Variants in LIX1 observed in about 807,000 individuals in gnomAD.
LIX1 encodes the protein protein limb expression 1 homolog.
Under a neutral mutation model 33.4 loss-of-function variants are expected in LIX1, and 24 were observed. The ratio of observed to expected loss-of-function variants is 0.72; its 90% CI spans 0.52 to 1.01. The LOEUF (loss-of-function observed/expected upper bound fraction) is 1.01. Among genes scored for constraint, LIX1 ranks in the 50% least tolerant of loss-of-function variants. LIX1 has a pLI of 0.00. For synonymous variants in LIX1, 124 were observed against 124.0 expected (o/e 1.00, Z 0.00); for missense variants, 311 against 339.2 (o/e 0.92, Z 0.65).
At chr5:97,108,329 G>A (rs748993897) in intron 2 of LIX1, among the ~76,000 whole-genome samples, 2 of 152,130 alleles carry the variant, frequency 1.3e-5, no homozygotes, top group Non-Finnish European at 1.5e-5. Context: ...TAGGGCCATA[G>A]GCAGCCTATG....
chr5:97,094,935 A>G lies in LIX1; in HGVS notation c.662T>C (p.Val221Ala), dbSNP rs200573820. 3 of 1,614,130 alleles carry G rather than the reference A, an allele frequency of 1.9e-6. No individual in the cohort carries two copies. The East Asian group carries it at 6.7e-5, about 36-fold the overall frequency. The change falls in exon 6 of 6, where the codon GTC becomes GCC. Residue 221 changes from valine (V) to alanine (A), a missense_variant. Coordinates refer to ENST00000274382, the MANE Select transcript of LIX1 (RefSeq NM_153234.5). ...CAGGGCCATTCGTAGCTCTTGAGAGACAATTCCTGGTGAGTCCCGCTCCTT... is the reference window on the plus strand; with the variant it reads ...CAGGGCCATTCGTAGCTCTTGAGAGGCAATTCCTGGTGAGTCCCGCTCCTT... ...IMKERDSPGI[V>A]SQELRMALRQ... is the part of the protein sequence containing the mutation.
chr5:97,119,220 T>C (rs183408151), intron 2 of LIX1, among the ~76,000 whole-genome samples: 1 of 152,306 alleles, frequency 6.6e-6, no homozygotes, highest in Admixed American at 6.5e-5. Context: ...ACTGCTGGCA[T>C]AATGGTTTCT....
At chr5:97,117,096 G>A (rs1291198385) in intron 2 of LIX1, among the ~76,000 whole-genome samples, 2 of 152,152 alleles carry the variant, frequency 1.3e-5, no homozygotes. Flanking sequence ...CCAATTTCAT[G>A]GGCAAGTCAT....
At chr5:97,099,463 G>A (rs1410438953) in intron 4 of LIX1, among the ~76,000 whole-genome samples, 1 of 152,146 alleles carries the variant, frequency 6.6e-6, no homozygotes, top group African/African-American at 2.4e-5. Context: ...TTGTAAATAA[G>A]AAAAATTTTT....
At chr5:97,095,548 T>TATTAGC (rs1361001457) in intron 5 of LIX1, among the ~76,000 whole-genome samples, 19 of 152,298 alleles carry the variant, frequency 1.2e-4, no homozygotes, top group Admixed American at 1.1e-3. Flanking sequence ...TCAACTGTGG[T>TATTAGC]ATTAGCACAA....
intron 2 of LIX1, among the ~76,000 whole-genome samples, chr5:97,110,309 C>G (rs964591766): frequency 2.0e-5 from 3 of 152,110 alleles, no homozygotes; most frequent in African/African-American, 7.2e-5. Context: ...AAAACAAACA[C>G]AAATTAAAAA....
chr5:97,142,337 C>A (rs144203023), intron 1 of LIX1, among the ~76,000 whole-genome samples, 158 bp downstream of exon 1: 1 of 152,294 alleles, frequency 6.6e-6, no homozygotes, highest in African/African-American at 2.4e-5. Context: ...GAAATGAAAT[C>A]GTTCTTCTGG....
intron 1 of LIX1, among the ~76,000 whole-genome samples, chr5:97,135,533 T>C (rs193293032): frequency 6.6e-6 from 1 of 152,282 alleles, no homozygotes; most frequent in Admixed American, 6.5e-5. Flanking sequence ...TAAAAGAGAC[T>C]TTAGGCCAGG....
intron 2 of LIX1, among the ~76,000 whole-genome samples, chr5:97,108,024 A>G (rs1239301205): frequency 1.3e-5 from 2 of 152,210 alleles, no homozygotes; most frequent in African/African-American, 4.8e-5. Flanking sequence ...TTCCTCCTCT[A>G]TAAAATGGGA....
At position 97,094,394 on chromosome 5, in the gene LIX1, G is replaced by C; in HGVS notation, c.*354C>G. 1 of 200,448 alleles carries C rather than the reference G, an allele frequency of 5.0e-6. No individual in the cohort carries two copies. Among genetic ancestry groups the C allele is most frequent in the Non-Finnish European group, 1.0e-5 (1 of 98,590 alleles). The allele number at this position is 200,448 out of a possible 1,614,324, so 12.4% of individuals were successfully genotyped here. On this transcript the variant is annotated 3_prime_UTR_variant, in exon 6 of 6. Coordinates refer to ENST00000274382, the MANE Select transcript of LIX1 (RefSeq NM_153234.5). Reference sequence around the variant, plus strand: ...TAATTCTGGCTGCTGTTCATTTGGGGAATGCTATATTGGACTATTCTTGAA... The same window carrying C: ...TAATTCTGGCTGCTGTTCATTTGGGCAATGCTATATTGGACTATTCTTGAA...
chr5:97,116,200 C>A (rs1455847536), intron 2 of LIX1, among the ~76,000 whole-genome samples: 1 of 152,174 alleles, frequency 6.6e-6, no homozygotes, highest in Non-Finnish European at 1.5e-5. Context: ...CCTTTCAGTG[C>A]TTTAAAACCT....
chr5:97,126,806 AT>A (rs1458437979), intron 1 of LIX1, among the ~76,000 whole-genome samples: 2 of 151,524 alleles, frequency 1.3e-5, no homozygotes, highest in South Asian at 2.1e-4. Context: ...CGCCCAGCTA[AT>A]TTTTTTGTAT....
Position 97,107,351 on chromosome 5 carries a change from G to A in LIX1, c.387+9C>T, listed in dbSNP as rs200256217. On this transcript the variant is annotated intron_variant, in intron 3 of 5. Transcript: ENST00000274382. ...CAGCCATCTCCTGCCCTCCATGGTG[G>A]GTACTCACGCTGGTGGAGGCTACTG... The A allele has an allele frequency of 4.3e-4, 698 of 1,611,192 alleles. 8 individuals carry two copies. The Admixed American group carries it at 0.011, about 26-fold the overall frequency.
At chr5:97,131,360 C>T (rs1162604050) in intron 1 of LIX1, among the ~76,000 whole-genome samples, 1 of 152,196 alleles carries the variant, frequency 6.6e-6, no homozygotes, top group African/African-American at 2.4e-5. Context: ...GACACCTCCT[C>T]CATTGTGTCT....
chr5:97,096,312 G>A (rs556441513), intron 5 of LIX1, among the ~76,000 whole-genome samples: 15 of 152,110 alleles, frequency 9.9e-5, no homozygotes, highest in African/African-American at 2.9e-4. Flanking sequence ...CCAAAAAAAT[G>A]GGAGTGATTA....
intron 1 of LIX1, among the ~76,000 whole-genome samples, chr5:97,135,106 CA>C (rs1395167026): frequency 2.0e-5 from 3 of 152,170 alleles, no homozygotes; most frequent in Non-Finnish European, 4.4e-5. Context: ...GGTTGTTTTA[CA>C]AAGTTAACCT....
In LIX1 at chr5:97,124,511, C is replaced by T; in HGVS notation, c.201G>A (p.Val67=). ...ESLPAPGPPF[V]SYVTLPGGSC... ...TTCCCCCTGGGAGGGTCACGTAACT[C>T]ACAAAGGGAGGCCCAGGAGCTGGCA... is the stretch of plus-strand genomic sequence containing the variant. Residue 67 remains valine (V), a synonymous_variant, in exon 2 of 6, where the codon GTG becomes GTA. Coordinates refer to ENST00000274382, the MANE Select transcript of LIX1 (RefSeq NM_153234.5). 8 of 1,608,566 alleles carry T rather than the reference C, an allele frequency of 5.0e-6. No individual in the cohort carries two copies. The highest frequency in any genetic ancestry group is 6.8e-6 in the Non-Finnish European group (8 of 1,176,848).
intron 3 of LIX1, among the ~76,000 whole-genome samples, chr5:97,105,817 G>T (rs1259641621): frequency 6.6e-6 from 1 of 152,160 alleles, no homozygotes; most frequent in Non-Finnish European, 1.5e-5. Flanking sequence ...TCTAGGAAAC[G>T]AGGTGGGTGG....
intron 4 of LIX1, among the ~76,000 whole-genome samples, chr5:97,103,971 GA>G (rs36039071): frequency 0.047 from 5,101 of 107,474 alleles, 92 homozygotes; most frequent in South Asian, 0.12. Context: ...TCTCAAAAAA[GA>G]AAAAAAAAAA....
Sources: allele counts gnomAD v4.1 joint callset (sites outside exome capture counted in the v4.1 genomes callset), GRCh38; gene constraint gnomAD v4.1.1; transcripts MANE v1.5; gene names NCBI Gene and HGNC (gene_info 2026-07-23, HGNC 2026-07-21).